The following SOX6 variants were observed in gnomAD, a reference collection of about 807,000 sequenced individuals.
SOX6 encodes SRY-box transcription factor 6, also known as transcription factor SOX-6.
A neutral mutation model predicts 97.8 loss-of-function variants in SOX6; 11 were observed. The ratio of observed to expected loss-of-function variants is 0.11; its 90% confidence interval spans 0.07 to 0.19. The LOEUF (loss-of-function observed/expected upper bound fraction) is 0.19, where lower values mean the gene tolerates loss of function less well. Among genes scored for constraint, SOX6 ranks in the 10% least tolerant of loss-of-function variants. The pLI, the probability that SOX6 is intolerant of heterozygous loss-of-function variation, is 1.00. For synonymous variants in SOX6, 360 were observed against 371.4 expected, an observed-to-expected ratio of 0.97 and a Z score of 0.35; for missense variants, 810 against 1,039.5, an observed-to-expected ratio of 0.78 and a Z score of 3.04.
chr11:16,334,763 T>C (rs1007609003), intron 2 of SOX6, among the ~76,000 whole-genome samples: 11 of 152,038 alleles, frequency 7.2e-5, no homozygotes, highest in Admixed American at 5.9e-4. Flanking sequence ...TTTAATAATA[T>C]GCTAGGTAAG....
intron 3 of SOX6, among the ~76,000 whole-genome samples, chr11:16,236,426 G>A (rs1357750864): frequency 2.0e-5 from 3 of 151,954 alleles, no homozygotes; most frequent in African/African-American, 7.2e-5. Flanking sequence ...AATCAGGTTT[G>A]AATTTCTGAA....
intron 3 of SOX6, among the ~76,000 whole-genome samples, chr11:16,238,325 T>C (rs1297268356): frequency 6.6e-6 from 1 of 152,076 alleles, no homozygotes; most frequent in Non-Finnish European, 1.5e-5. Context: ...GAAGATAGAA[T>C]TCAGAACTAT....
chr11:16,187,247 C>A (rs1851503647), intron 4 of SOX6, among the ~76,000 whole-genome samples: 1 of 152,022 alleles, frequency 6.6e-6, no homozygotes, highest in South Asian at 2.1e-4. Flanking sequence ...CTTTTTGCCC[C>A]CAATCTATCT....
intron 1 of SOX6, among the ~76,000 whole-genome samples, chr11:16,398,891 TA>T (rs1376476426): frequency 1.3e-5 from 2 of 150,806 alleles, no homozygotes; most frequent in Non-Finnish European, 3.0e-5. Flanking sequence ...AGTAAAATAA[TA>T]TTTTTTTTAA....
intron 2 of SOX6, among the ~76,000 whole-genome samples, chr11:16,335,291 T>C (rs1467378098): frequency 6.6e-6 from 1 of 152,144 alleles, no homozygotes; most frequent in Non-Finnish European, 1.5e-5. Context: ...TTACTAAAAT[T>C]GAATGAATTT....
intron 9 of SOX6, among the ~76,000 whole-genome samples, chr11:16,057,637 G>A (rs908574548): frequency 6.6e-6 from 1 of 152,038 alleles, no homozygotes; most frequent in Non-Finnish European, 1.5e-5. Context: ...CTTGTTTCCC[G>A]AGTATCATGT....
intron 2 of SOX6, among the ~76,000 whole-genome samples, chr11:16,328,238 G>C (rs934637685): frequency 6.6e-6 from 1 of 152,064 alleles, no homozygotes; most frequent in African/African-American, 2.4e-5. Flanking sequence ...CTCTTCCTAA[G>C]ACGTTCTATG....
chr11:16,144,926 G>T (rs1453638516), intron 6 of SOX6, among the ~76,000 whole-genome samples: 1 of 152,172 alleles, frequency 6.6e-6, no homozygotes, highest in Non-Finnish European at 1.5e-5. Flanking sequence ...GAGGTACAAG[G>T]AGGAGCTGGT....
At chr11:16,139,781 T>C (rs552176656) in intron 6 of SOX6, among the ~76,000 whole-genome samples, 16 of 152,082 alleles carry the variant, frequency 1.1e-4, no homozygotes, top group South Asian at 2.1e-4. Flanking sequence ...GTATTATACA[T>C]ATTCACACAC....
At chr11:16,342,639 ATTAAG>A (rs1344984375) in intron 1 of SOX6, among the ~76,000 whole-genome samples, 2 of 151,976 alleles carry the variant, frequency 1.3e-5, no homozygotes, top group African/African-American at 2.4e-5. Flanking sequence ...AAGAAAAATA[ATTAAG>A]TTAATTCCAA....
At chr11:16,019,142 C>T (rs1385518012) in intron 12 of SOX6, among the ~76,000 whole-genome samples, 1 of 152,118 alleles carries the variant, frequency 6.6e-6, no homozygotes, top group African/African-American at 2.4e-5. Flanking sequence ...GGGTCCCTCC[C>T]TTCTGCATTA....
intron 3 of SOX6, chr11:16,313,766 CA>C (rs1855677641): frequency 7.3e-6 from 1 of 136,996 alleles, no homozygotes; most frequent in African/African-American, 2.7e-5. Context: ...CTCCCATGTC[CA>C]AAACATGTTC....
intron 3 of SOX6, among the ~76,000 whole-genome samples, chr11:16,684,430 G>T (rs1034982349): frequency 6.6e-6 from 1 of 152,184 alleles, no homozygotes; most frequent in Admixed American, 6.5e-5. Flanking sequence ...GTCCTTTGTA[G>T]GGACATGGAT....
chr11:16,295,683 T>C (rs1254878155), intron 3 of SOX6, among the ~76,000 whole-genome samples: 1 of 152,042 alleles, frequency 6.6e-6, no homozygotes, highest in Non-Finnish European at 1.5e-5. Context: ...GAAGATAAAG[T>C]AAAACATGTC....
intron 3 of SOX6, among the ~76,000 whole-genome samples, chr11:16,638,578 C>T (rs1430742562): frequency 1.3e-5 from 2 of 152,186 alleles, no homozygotes; most frequent in African/African-American, 2.4e-5. Context: ...TCTCCAGCAC[C>T]TGTTGTTTCC....
intron 4 of SOX6, among the ~76,000 whole-genome samples, chr11:16,574,732 T>A (rs1425077859): frequency 6.6e-6 from 1 of 152,096 alleles, no homozygotes; most frequent in East Asian, 1.9e-4. Context: ...TGTATAGAAT[T>A]TATATACAGA....
At chr11:16,181,037 A>T (rs951080539) in intron 6 of SOX6, among the ~76,000 whole-genome samples, 5 of 151,580 alleles carry the variant, frequency 3.3e-5, no homozygotes, top group African/African-American at 1.2e-4. Flanking sequence ...TGGGGTTGTT[A>T]CAAGAGGTTA....
chr11:16,310,118 T>C (rs2134288211), intron 3 of SOX6, among the ~76,000 whole-genome samples: 1 of 152,184 alleles, frequency 6.6e-6, no homozygotes. Flanking sequence ...ATCTGAGGCA[T>C]ATTTTCAAGG....
At chr11:16,201,367 G>A (rs1002727189) in intron 4 of SOX6, among the ~76,000 whole-genome samples, 1 of 151,946 alleles carries the variant, frequency 6.6e-6, no homozygotes, top group Admixed American at 6.6e-5. Flanking sequence ...ATTTTTAAAT[G>A]TCATAAAAAT....
Sources: allele counts gnomAD v4.1 joint callset (sites outside exome capture counted in the v4.1 genomes callset), GRCh38; gene constraint gnomAD v4.1.1; transcripts MANE v1.5; gene names NCBI Gene and HGNC (gene_info 2026-07-23, HGNC 2026-07-21).